The following GGT5 variants were observed in gnomAD, a reference collection of about 807,000 sequenced individuals.
The protein encoded by GGT5 is gamma-glutamyltransferase 5, also known as glutathione hydrolase 5 proenzyme.
In GGT5, 50 loss-of-function variants were observed where a neutral mutation model predicts 58.1. The ratio of observed to expected loss-of-function variants is 0.86; its 90% confidence interval spans 0.69 to 1.09. GGT5 has a LOEUF of 1.09. Ranked by LOEUF, GGT5 falls within the 50% of genes least tolerant of loss-of-function variation. The pLI is 0.00. For missense variants in GGT5, 800 were observed against 789.4 expected (o/e 1.01, Z -0.16); for synonymous variants, 370 against 346.1 (o/e 1.07, Z -0.77).
At chr22:24,224,238 G>A (rs2047682271) in intron 11 of GGT5, among the ~76,000 whole-genome samples, 1 of 152,036 alleles carries the variant, frequency 6.6e-6, no homozygotes, top group South Asian at 2.1e-4. Flanking sequence ...GGCTGGGCAT[G>A]GTGGCTCACG....
In GGT5 at chr22:24,226,148, G is replaced by A. The variant is rs1390468059; in HGVS notation, c.1157C>T (p.Thr386Ile). The A allele has an allele frequency of 1.2e-6, 2 of 1,611,286 alleles. No homozygotes were observed. Among genetic ancestry groups the A allele is most frequent in the African/African-American group, 2.7e-5 (2 of 74,884 alleles). The change falls in exon 8 of 12, where the codon ACA (threonine) becomes ATA (isoleucine). Residue 386 changes from threonine to isoleucine, a missense_variant. Transcript: ENST00000327365. ...YSLAEAWGHG[T>I]GTSHVSVLGE... ...CAGCACAGACACATGGGACGTGCCT[G>A]TCCCGTGGCCCCAGGCCTCGGCCAA...
At position 24,233,606 on chromosome 22, in the gene GGT5, A is replaced by G. The variant is rs1382677965; in HGVS notation, c.305-13T>C. ...ACCTCCACCTTCCCTGGAGTAGGGC[A>G]GGGCAGGTGAGTGGTCATGGACCCT... On this transcript the variant is annotated splice_polypyrimidine_tract_variant and intron_variant, in intron 2 of 11. Coordinates refer to ENST00000327365, the MANE Select transcript of GGT5 (RefSeq NM_004121.5). 6 of 1,541,514 alleles carry G rather than the reference A, an allele frequency of 3.9e-6. No homozygotes were observed. Among genetic ancestry groups the G allele is most frequent in the African/African-American group, 1.4e-5 (1 of 73,582 alleles).
intron 8 of GGT5, 43 bp downstream of exon 8, chr22:24,226,033 G>GC (rs2047750090): frequency 7.2e-7 from 1 of 1,380,972 alleles, no homozygotes; most frequent in African/African-American, 1.4e-5. Context: ...AGGTCTAGGA[G>GC]AGGAGGAGTG....
chr22:24,222,640 C>A (rs556328028), intron 11 of GGT5, among the ~76,000 whole-genome samples: 3 of 152,330 alleles, frequency 2.0e-5, no homozygotes, highest in African/African-American at 7.2e-5. Context: ...CCCAAGGGAG[C>A]TGAGAACCTT....
Position 24,232,900 on chromosome 22 carries a change from C to T in GGT5, c.519G>A (p.Gly173=), listed in dbSNP as rs1026060772. The change falls in exon 4 of 12, where the codon GGG becomes GGA. Residue 173 remains glycine, a synonymous_variant. Coordinates refer to ENST00000327365, the MANE Select transcript of GGT5 (RefSeq NM_004121.5). ...GGCTGAGGACAGGGGCCACCACATG[C>T]CCCCCTCGGAGCAGCGCGATGGTGG... The part of the protein sequence containing the change: ...FQPTIALLRG[G]HVVAPVLSRF... The T allele has an allele frequency of 1.3e-6, 2 of 1,582,920 alleles. No individual in the cohort carries two copies. Among genetic ancestry groups the T allele is most frequent in the Non-Finnish European group, 1.7e-6 (2 of 1,164,032 alleles).
At chr22:24,230,379 A>AC (rs1045115837) in intron 6 of GGT5, among the ~76,000 whole-genome samples, 10 of 151,520 alleles carry the variant, frequency 6.6e-5, no homozygotes, top group Non-Finnish European at 8.8e-5. Flanking sequence ...AAAGAAAAAA[A>AC]AAAAAAAGGA....
In GGT5 at chr22:24,232,067, C is replaced by T. The variant is rs2047958538; in HGVS notation, c.738G>A (p.Glu246=). ...YTGRLGQMLV[E]DIAKEGSQLT... Reference sequence around the variant, plus strand: ...GAGGCTGACCTTCCTTGGCAATGTCCTCCACCAGCATCTGGCCCAGCCTCC... The same window carrying T: ...GAGGCTGACCTTCCTTGGCAATGTCTTCCACCAGCATCTGGCCCAGCCTCC... Residue 246 remains glutamate, a synonymous_variant, in exon 5 of 12, where the codon GAG becomes GAA. Coordinates refer to ENST00000327365, the MANE Select transcript of GGT5 (RefSeq NM_004121.5). 3 of 1,613,380 alleles carry T rather than the reference C, an allele frequency of 1.9e-6. No individual in the cohort carries two copies. The highest frequency in any genetic ancestry group is 1.3e-5 in the African/African-American group (1 of 74,922).
rs139273816 is a variant in GGT5 at position 24,231,489 on chromosome 22, C to T, written c.796G>A (p.Glu266Lys). ...TLQDLAKFQP[E>K]VVDALEVPLG... ...GGCACCTCCAGGGCATCCACCACCTCGGGCTGGAACTTGGCCAGGTCCTGC... is the reference window on the plus strand; with the variant it reads ...GGCACCTCCAGGGCATCCACCACCTTGGGCTGGAACTTGGCCAGGTCCTGC... The change falls in exon 6 of 12, where the codon GAG (glutamate) becomes AAG (lysine). Residue 266 changes from glutamate to lysine, a missense_variant. Glu to Lys is a moderately conservative substitution (Grantham distance 56). Coordinates refer to ENST00000327365, the MANE Select transcript of GGT5 (RefSeq NM_004121.5). The T allele has an allele frequency of 1.3e-5, 21 of 1,584,416 alleles. No homozygotes were observed. The highest frequency in any genetic ancestry group is 2.7e-5 in the African/African-American group (2 of 74,204).
intron 1 of GGT5, chr22:24,244,316 C>CA (rs869028949): frequency 0.27 from 89,218 of 334,308 alleles, 7,287 homozygotes; most frequent in Admixed American, 0.33. Flanking sequence ...CACACACACA[C>CA]CCACCCACAC....
At chr22:24,226,480 C>T in intron 7 of GGT5, 151 bp downstream of exon 7, 1 of 865,436 alleles carries the variant, frequency 1.2e-6, no homozygotes, top group Non-Finnish European at 1.8e-6. Flanking sequence ...CCTGTACCTG[C>T]CACCCCGGGA....
intron 11 of GGT5, among the ~76,000 whole-genome samples, chr22:24,222,264 C>T (rs990169251): frequency 3.3e-5 from 5 of 152,106 alleles, no homozygotes; most frequent in Non-Finnish European, 7.4e-5. Context: ...CCTGAGATTC[C>T]GGAGACATCT....
chr22:24,235,310 G>A (rs1049823571), intron 1 of GGT5, among the ~76,000 whole-genome samples: 8 of 152,034 alleles, frequency 5.3e-5, no homozygotes, highest in African/African-American at 7.2e-5. Context: ...TGCTCACCTC[G>A]GCCTCCCAAA....
In GGT5 at chr22:24,225,041, A is replaced by G. The variant is rs1394286336; in HGVS notation, c.1569T>C (p.His523=). ...ACTCCACACAGCCCTTGCTGTTGAC[A>G]TGCAGGATGGGGGCTGCAATGGCCG... ...LRAAIAAPIL[H]VNSKGCVEYE... The change falls in exon 11 of 12, where the codon CAT becomes CAC. Residue 523 remains histidine, a synonymous_variant. Coordinates refer to ENST00000327365, the MANE Select transcript of GGT5 (RefSeq NM_004121.5). 1.2e-6 allele frequency: 2 copies of G among 1,602,180 alleles called. No individual in the cohort carries two copies. The highest frequency in any genetic ancestry group is 2.2e-5 in the South Asian group (2 of 89,284).
intron 5 of GGT5, among the ~76,000 whole-genome samples, 173 bp from the exon 6 acceptor site, chr22:24,231,703 T>G (rs972583227): frequency 6.6e-6 from 1 of 151,582 alleles, no homozygotes; most frequent in Non-Finnish European, 1.5e-5. Flanking sequence ...GGGCCAGGCG[T>G]GGAGGGGTGG....
At chr22:24,233,264 C>T (rs2048002469) in intron 3 of GGT5, among the ~76,000 whole-genome samples, 1 of 152,230 alleles carries the variant, frequency 6.6e-6, no homozygotes, top group Non-Finnish European at 1.5e-5. Flanking sequence ...TCCACTGAAC[C>T]CTCCAGGCCT....
chr22:24,225,485 CT>C (rs2047725984), intron 9 of GGT5, 60 bp downstream of exon 9: 8 of 1,589,914 alleles, frequency 5.0e-6, no homozygotes, highest in Non-Finnish European at 6.9e-6. Flanking sequence ...GCCCAGCCCC[CT>C]CCCTCCTCTC....
chr22:24,219,722 C>T lies in GGT5; in HGVS notation c.*248G>A. On this transcript the variant is annotated 3_prime_UTR_variant, in exon 12 of 12. Coordinates refer to ENST00000327365, the MANE Select transcript of GGT5 (RefSeq NM_004121.5). ...CAGATCGAGAGGGTGGGAGAGTGGC[C>T]CCAGGCAAGAGGCCTGCGGAGGGAT... 1.9e-6 allele frequency: 1 copy of T among 519,940 alleles called. No homozygotes were observed. The highest frequency in any genetic ancestry group is 3.5e-6 in the Non-Finnish European group (1 of 288,834). 32.2% of individuals were successfully genotyped at this position (519,940 alleles called of 1,614,324 possible).
In GGT5 at chr22:24,225,378, C is replaced by CTT; in HGVS notation, c.1368_1369dup (p.Arg457LysfsTer21). 1 of 1,609,006 alleles carries CTT rather than the reference C, an allele frequency of 6.2e-7. No individual in the cohort carries two copies. The highest frequency in any genetic ancestry group is 8.5e-7 in the Non-Finnish European group (1 of 1,177,078). The stretch of plus-strand genomic sequence containing the variant: ...CTCGCCTGGAACTGGGGGCCAGCAC[C>CTT]TTCCGGGAGCTCCACCCACCCTGTC... On this transcript the variant is annotated frameshift_variant, in exon 10 of 12. Coordinates refer to ENST00000327365, the MANE Select transcript of GGT5 (RefSeq NM_004121.5). LOFTEE classifies it high-confidence loss of function.
intron 2 of GGT5, 31 bp from the exon 3 acceptor site, chr22:24,233,624 T>C (rs758363691): frequency 6.6e-6 from 9 of 1,356,898 alleles, no homozygotes; most frequent in Non-Finnish European, 9.3e-6. Flanking sequence ...TGAGTGGTCA[T>C]GGACCCTGCA....
Sources: allele counts gnomAD v4.1 joint callset (sites outside exome capture counted in the v4.1 genomes callset), GRCh38; gene constraint gnomAD v4.1.1; transcripts MANE v1.5; gene names NCBI Gene and HGNC (gene_info 2026-07-23, HGNC 2026-07-21).